The following MXI1 variants were observed in gnomAD, a reference collection of about 807,000 sequenced individuals.
The protein encoded by MXI1 is MAX interactor 1, dimerization protein.
A neutral mutation model predicts 36.9 loss-of-function variants in MXI1; 18 were observed. The ratio of observed to expected loss-of-function variants is 0.49; its 90% CI spans 0.34 to 0.72. The LOEUF (loss-of-function observed/expected upper bound fraction) is 0.72. MXI1 is among the 30% of genes least tolerant of loss of function. The pLI is 0.01. For synonymous variants in MXI1, 160 were observed against 146.7 expected, an observed-to-expected ratio of 1.09 and a Z score of -0.65; for missense variants, 304 against 379.1, an observed-to-expected ratio of 0.80 and a Z score of 1.64.
chr10:110,226,000 A>C, intron 1 of MXI1: 1 of 982,918 alleles, frequency 1.0e-6, no homozygotes, highest in Non-Finnish European at 1.2e-6. Flanking sequence ...AGAGGTAAAC[A>C]AACCACGCGC....
intron 3 of MXI1, among the ~76,000 whole-genome samples, chr10:110,247,148 A>T (rs1178691760): frequency 6.6e-6 from 1 of 152,046 alleles, no homozygotes; most frequent in Non-Finnish European, 1.5e-5. Flanking sequence ...GATGATGAGC[A>T]TTTTTTCATG....
At chr10:110,260,382 A>G (rs1590384650) in intron 3 of MXI1, among the ~76,000 whole-genome samples, 1 of 147,066 alleles carries the variant, frequency 6.8e-6, no homozygotes, top group East Asian at 2.0e-4. Context: ...CTTAGTTGTT[A>G]CTCTGCTGTT....
chr10:110,231,365 C>CG (rs938169973), intron 2 of MXI1, among the ~76,000 whole-genome samples: 1 of 149,416 alleles, frequency 6.7e-6, no homozygotes, highest in Admixed American at 6.7e-5. Flanking sequence ...ATAATCCACC[C>CG]CCCCCCCCTC....
chr10:110,243,835 A>G (rs929756583), intron 2 of MXI1, among the ~76,000 whole-genome samples: 3 of 152,138 alleles, frequency 2.0e-5, no homozygotes, highest in Non-Finnish European at 4.4e-5. Flanking sequence ...CCGAGCACAG[A>G]GAAATGAAGG....
Position 110,208,088 on chromosome 10 carries a change from T to C in MXI1, c.274+6T>C, listed in dbSNP as rs1248059424. On this transcript the variant is annotated splice_donor_region_variant and intron_variant, in intron 1 of 5. Coordinates refer to ENST00000332674, the MANE Select transcript of MXI1 (RefSeq NM_130439.3). ...GATCGAGAAAGAAAACAAAAGTAAGTTTGGGGGCCCCTGCTCTTCCTCGGC... is the reference window on the plus strand; with the variant it reads ...GATCGAGAAAGAAAACAAAAGTAAGCTTGGGGGCCCCTGCTCTTCCTCGGC... 6.3e-7 allele frequency: 1 copy of C among 1,576,500 alleles called. No homozygotes were observed.
At chr10:110,229,865 A>C (rs1286819191) in intron 2 of MXI1, among the ~76,000 whole-genome samples, 1 of 151,432 alleles carries the variant, frequency 6.6e-6, no homozygotes, top group African/African-American at 2.4e-5. Context: ...TTTTTTTTTC[A>C]ACTTGGAGAC....
intron 1 of MXI1, among the ~76,000 whole-genome samples, chr10:110,223,271 A>G (rs550046155): frequency 4.6e-5 from 7 of 152,268 alleles, no homozygotes; most frequent in African/African-American, 1.7e-4. Flanking sequence ...ACTTTTCTTG[A>G]TTGCTTGTCA....
chr10:110,246,423 T>C (rs1431992143), intron 3 of MXI1, among the ~76,000 whole-genome samples: 3 of 152,170 alleles, frequency 2.0e-5, no homozygotes, highest in Non-Finnish European at 2.9e-5. Flanking sequence ...CTTTTTGTCC[T>C]CCCTTTAACA....
intron 3 of MXI1, among the ~76,000 whole-genome samples, chr10:110,267,208 C>A (rs1262390975): frequency 6.6e-6 from 1 of 152,130 alleles, no homozygotes; most frequent in East Asian, 1.9e-4. Context: ...AGTCTTAATA[C>A]AATATGTGGT....
intron 3 of MXI1, among the ~76,000 whole-genome samples, chr10:110,252,729 T>G (rs1251362639): frequency 6.6e-6 from 1 of 152,086 alleles, no homozygotes; most frequent in Non-Finnish European, 1.5e-5. Context: ...ATTCATTGAA[T>G]GAAAAAATGA....
intron 2 of MXI1, among the ~76,000 whole-genome samples, chr10:110,233,169 C>A (rs1284978048): frequency 6.6e-6 from 1 of 152,036 alleles, no homozygotes; most frequent in Non-Finnish European, 1.5e-5. Context: ...TATCTCAGTT[C>A]CACTTTCTAA....
chr10:110,253,566 A>G (rs1003158915), intron 3 of MXI1, among the ~76,000 whole-genome samples: 1 of 152,162 alleles, frequency 6.6e-6, no homozygotes, highest in African/African-American at 2.4e-5. Context: ...GAAAGAAACA[A>G]CATTGGTTTG....
chr10:110,224,733 C>T lies in MXI1; in HGVS notation c.275-3456C>T, dbSNP rs536161173. ...CGTGATCTCGGCTCACTGCAACCTC[C>T]GCCTCCCGGGTTCAAGCGATTCTCG... On this transcript the variant is annotated intron_variant, in intron 1 of 5. Transcript: ENST00000332674. Among the ~76,000 whole-genome samples the T allele has an allele frequency of 1.4e-4, 21 of 151,772 alleles. No individual in the cohort carries two copies. The East Asian group carries it at 3.9e-3, about 28-fold the overall frequency.
intron 1 of MXI1, among the ~76,000 whole-genome samples, chr10:110,211,919 C>T (rs1854525785): frequency 6.6e-6 from 1 of 152,176 alleles, no homozygotes; most frequent in African/African-American, 2.4e-5. Flanking sequence ...GACATCATCA[C>T]CTATATGCAT....
intron 3 of MXI1, among the ~76,000 whole-genome samples, chr10:110,278,648 A>G (rs1365412442): frequency 6.6e-6 from 1 of 152,124 alleles, no homozygotes; most frequent in Non-Finnish European, 1.5e-5. Flanking sequence ...GTTCAAACTA[A>G]TATATAACAA....
chr10:110,213,037 C>T lies in MXI1; in HGVS notation c.274+4955C>T, dbSNP rs79302772. Among the ~76,000 whole-genome samples, 388 of 152,252 alleles carry T rather than the reference C, an allele frequency of 2.5e-3. 11 individuals carry two copies. The East Asian group carries it at 0.047, about 19-fold the overall frequency. On this transcript the variant is annotated intron_variant, in intron 1 of 5. Coordinates refer to ENST00000332674, the MANE Select transcript of MXI1 (RefSeq NM_130439.3). ...TTGTCATTTACTGCTAGCTATGGCA[C>T]GAGGATCAGGTTTGGAGGCCAGGGG... is the stretch of plus-strand genomic sequence containing the variant.
At chr10:110,208,357 G>C (rs1416524855) in intron 1 of MXI1, 1 of 317,934 alleles carries the variant, frequency 3.1e-6, no homozygotes, top group Non-Finnish European at 5.8e-6. Context: ...GGAGGAGCGG[G>C]GGAGTGTTGT....
At chr10:110,238,966 T>G (rs1855569215) in intron 2 of MXI1, among the ~76,000 whole-genome samples, 2 of 152,086 alleles carry the variant, frequency 1.3e-5, no homozygotes, top group South Asian at 4.1e-4. Context: ...AATTTTTGTA[T>G]TTTATTCTTC....
At chr10:110,259,772 A>G (rs552673805) in intron 3 of MXI1, among the ~76,000 whole-genome samples, 1 of 152,174 alleles carries the variant, frequency 6.6e-6, no homozygotes, top group East Asian at 1.9e-4. Context: ...ATTCTAGTAA[A>G]TAATGTCAAT....
Sources: gnomAD v4.1 joint callset for allele counts (sites outside exome capture counted in the v4.1 genomes callset) on GRCh38, gnomAD v4.1.1 for gene constraint, MANE v1.5 for transcripts, NCBI Gene and HGNC (gene_info 2026-07-23, HGNC 2026-07-21) for gene names.